The following MYO1D variants were observed in gnomAD, a reference collection of about 807,000 sequenced individuals.
MYO1D encodes the protein myosin ID, also known as unconventional myosin-Id.
A neutral mutation model predicts 122.0 loss-of-function variants in MYO1D; 83 were observed. That is an observed-to-expected ratio of 0.68 (90% confidence interval 0.57 to 0.82). The LOEUF (loss-of-function observed/expected upper bound fraction) is 0.82. Among genes scored for constraint, MYO1D ranks in the 40% least tolerant of loss-of-function variants. The pLI, the probability that MYO1D is intolerant of heterozygous loss-of-function variation, is 0.00. For missense variants in MYO1D, 1,157 were observed against 1,269.5 expected (o/e 0.91, Z 1.35); for synonymous variants, 464 against 446.9 (o/e 1.04, Z -0.48).
At chr17:32,649,567 CTTTTTTTTTTT>C (rs35514290) in intron 19 of MYO1D, among the ~76,000 whole-genome samples, 1 of 94,082 alleles carries the variant, frequency 1.1e-5, no homozygotes, top group African/African-American at 4.4e-5. Flanking sequence ...TTCTTTCTTT[CTTTTTTTTTTT>C]TTTTTTTTTT....
intron 21 of MYO1D, chr17:32,519,244 T>C (rs1280657383): frequency 6.6e-6 from 1 of 152,396 alleles, no homozygotes; most frequent in Non-Finnish European, 1.5e-5. Context: ...CGGCACCGCT[T>C]TTGGAAACAC....
chr17:32,848,710 T>C (rs142263304), intron 1 of MYO1D, among the ~76,000 whole-genome samples: 5 of 152,336 alleles, frequency 3.3e-5, no homozygotes, highest in Non-Finnish European at 7.3e-5. Context: ...CAGTCCCTGA[T>C]GACTTCCAGC....
intron 21 of MYO1D, among the ~76,000 whole-genome samples, chr17:32,589,186 C>T (rs970755606): frequency 7.9e-5 from 12 of 152,300 alleles, no homozygotes; most frequent in South Asian, 6.2e-4. Flanking sequence ...ACAAGGTGGC[C>T]GGCCTCGTGG....
At chr17:32,810,184 G>C (rs1164551746) in intron 1 of MYO1D, among the ~76,000 whole-genome samples, 1 of 152,136 alleles carries the variant, frequency 6.6e-6, no homozygotes, top group South Asian at 2.1e-4. Context: ...GACTATATAT[G>C]AAGGGTGAGG....
chr17:32,698,860 A>G (rs535426148), intron 16 of MYO1D, among the ~76,000 whole-genome samples: 1 of 152,344 alleles, frequency 6.6e-6, no homozygotes, highest in Admixed American at 6.5e-5. Flanking sequence ...AAAATGCAAA[A>G]TGCAAATTTA....
In MYO1D at chr17:32,721,050, CG is replaced by C. The variant is rs746809159; in HGVS notation, c.1885del (p.Arg629AlafsTer13). ...VRVRRAGFAF[R>X]QTYEKFLHRY... ...GTGAAGAAACTTCTCGTATGTCTGG[CG>C]GAAGGCAAATCCTGCCCGACGCACT... On this transcript the variant is annotated frameshift_variant, in exon 15 of 22. Coordinates refer to ENST00000318217, the MANE Select transcript of MYO1D (RefSeq NM_015194.3). LOFTEE classifies it high-confidence loss of function. 1 of 1,614,066 alleles carries C rather than the reference CG, an allele frequency of 6.2e-7. No individual in the cohort carries two copies. The highest frequency in any genetic ancestry group is 2.2e-5 in the East Asian group (1 of 44,888).
chr17:32,861,602 C>T (rs570039979), intron 1 of MYO1D, among the ~76,000 whole-genome samples: 1 of 152,290 alleles, frequency 6.6e-6, no homozygotes, highest in African/African-American at 2.4e-5. Flanking sequence ...CAAGACCCTT[C>T]CGCAAAGTGT....
intron 16 of MYO1D, among the ~76,000 whole-genome samples, chr17:32,688,375 C>T (rs1002823914): frequency 2.0e-5 from 3 of 152,142 alleles, no homozygotes; most frequent in East Asian, 1.9e-4. Context: ...AAACCTTACA[C>T]GAACGTAAAT....
At chr17:32,585,647 T>C (rs547413914) in intron 21 of MYO1D, among the ~76,000 whole-genome samples, 41 of 152,026 alleles carry the variant, frequency 2.7e-4, no homozygotes, top group African/African-American at 6.8e-4. Context: ...AGGGAATCTT[T>C]TGAACGTGGG....
chr17:32,621,197 C>T (rs1453314031), intron 20 of MYO1D, among the ~76,000 whole-genome samples: 2 of 152,018 alleles, frequency 1.3e-5, no homozygotes, highest in Non-Finnish European at 2.9e-5. Context: ...CATATTGGTG[C>T]TCAAAAAGTT....
At chr17:32,812,125 A>C (rs2090577532) in intron 1 of MYO1D, among the ~76,000 whole-genome samples, 2 of 152,238 alleles carry the variant, frequency 1.3e-5, no homozygotes, top group Non-Finnish European at 2.9e-5. Flanking sequence ...TTAATAGGGA[A>C]GTTGATAAGT....
In MYO1D at chr17:32,495,064, G is replaced by C. The variant is rs1006507247; in HGVS notation, c.2865-149C>G. ...ATGCCTGAAGGGCCCCAGAGAGGCC[G>C]AGGCAAGGCGAGTGTGGCACTAGCT... On this transcript the variant is annotated intron_variant, in intron 21 of 21. Coordinates refer to ENST00000318217, the MANE Select transcript of MYO1D (RefSeq NM_015194.3). The C allele has an allele frequency of 3.9e-5, 38 of 981,658 alleles. No individual in the cohort carries two copies. In the Admixed American group the frequency reaches 1.2e-3, roughly 30 times the overall value. The allele number at this position is 981,658 out of a possible 1,614,324, so 60.8% of individuals were successfully genotyped here. A position where few individuals can be genotyped will look rare whatever the true frequency, so the allele number is the denominator to read the frequency against.
At chr17:32,791,770 T>C (rs545111324) in intron 1 of MYO1D, among the ~76,000 whole-genome samples, 2 of 152,258 alleles carry the variant, frequency 1.3e-5, no homozygotes, top group African/African-American at 4.8e-5. Flanking sequence ...CCTCTTTATA[T>C]AGTTAATTAA....
rs114310332 is a variant in MYO1D at position 32,732,150 on chromosome 17, T to C, written c.1746+6103A>G. The stretch of plus-strand genomic sequence containing the variant: ...AGGCCAACGGGGTGCTGAGGGCAGC[T>C]TGGTGTGGGCCTGGAGGCACCCCTT... On this transcript the variant is annotated intron_variant, in intron 14 of 21. Coordinates refer to ENST00000318217, the MANE Select transcript of MYO1D (RefSeq NM_015194.3). 4.8e-3 allele frequency among the ~76,000 whole-genome samples: 734 copies of C among 152,320 alleles called. 10 individuals carry two copies. Among genetic ancestry groups the C allele is most frequent in the African/African-American group, 0.014 (592 of 41,572 alleles).
chr17:32,726,961 A>G (rs2089583718), intron 14 of MYO1D, among the ~76,000 whole-genome samples: 1 of 152,210 alleles, frequency 6.6e-6, no homozygotes, highest in South Asian at 2.1e-4. Context: ...ACCAAATAAC[A>G]TTAGATTTTT....
intron 20 of MYO1D, among the ~76,000 whole-genome samples, chr17:32,618,802 T>G (rs1184995959): frequency 1.3e-5 from 2 of 151,870 alleles, no homozygotes; most frequent in African/African-American, 4.8e-5. Flanking sequence ...GCCTGGCTAA[T>G]TTTTGTATTT....
chr17:32,784,351 C>T (rs1329815219), intron 1 of MYO1D, among the ~76,000 whole-genome samples: 1 of 152,172 alleles, frequency 6.6e-6, no homozygotes, highest in Non-Finnish European at 1.5e-5. Context: ...GCCAGATTCC[C>T]TCTCCTTCTC....
At position 32,710,310 on chromosome 17, in the gene MYO1D, T is replaced by C. The variant is rs1163957771; in HGVS notation, c.2121+1678A>G. ...CCTATCTACATACAGGAACTTAATA[T>C]ATAATAAAAGTGGCACTGCAAATCA... On this transcript the variant is annotated intron_variant, in intron 16 of 21. Coordinates refer to ENST00000318217, the MANE Select transcript of MYO1D (RefSeq NM_015194.3). 3.3e-5 allele frequency among the ~76,000 whole-genome samples: 5 copies of C among 152,270 alleles called. No individual in the cohort carries two copies. The East Asian group carries it at 7.7e-4, about 23-fold the overall frequency.
At chr17:32,524,121 T>C (rs1910254598) in intron 21 of MYO1D, among the ~76,000 whole-genome samples, 1 of 152,228 alleles carries the variant, frequency 6.6e-6, no homozygotes, top group South Asian at 2.1e-4. Flanking sequence ...AAAAATGGAA[T>C]AAAAAAGTTG....
Sources: allele counts gnomAD v4.1 joint callset (sites outside exome capture counted in the v4.1 genomes callset), GRCh38; gene constraint gnomAD v4.1.1; transcripts MANE v1.5; gene names NCBI Gene and HGNC (gene_info 2026-07-23, HGNC 2026-07-21).